Variants in TTLL10 observed in about 807,000 individuals in gnomAD.
TTLL10 encodes the protein inactive polyglycylase TTLL10.
Under a neutral mutation model 69.0 loss-of-function variants are expected in TTLL10, and 61 were observed. That is an observed-to-expected ratio of 0.88 (90% confidence interval 0.72 to 1.09). The LOEUF (loss-of-function observed/expected upper bound fraction) is 1.09. Among genes scored for constraint, TTLL10 ranks in the 50% least tolerant of loss-of-function variants. The pLI is 0.00. For missense variants in TTLL10, 962 were observed against 945.9 expected (o/e 1.02, Z -0.22); for synonymous variants, 408 against 393.3 (o/e 1.04, Z -0.44).
Position 1,190,426 on chromosome 1 carries a change from T to C in TTLL10, c.1401+5317T>C, listed in dbSNP as rs1287321614. On this transcript the variant is annotated intron_variant, in intron 13 of 15. Transcript: ENST00000379289. ...CCTTGGGTTTAGTTTGCTCTTCTTT[T>C]ACTAATTTTTTTTTTTTTTGAGATG... Among the ~76,000 whole-genome samples, 3 of 149,000 alleles carry C rather than the reference T, an allele frequency of 2.0e-5. No homozygotes were observed. The Admixed American group carries it at 2.1e-4, about 11-fold the overall frequency.
At position 1,182,400 on chromosome 1, in the gene TTLL10, C is replaced by T. The variant is rs1319053558; in HGVS notation, c.870C>T (p.Arg290=). Residue 290 remains arginine, a synonymous_variant, in exon 10 of 16, where the codon CGC becomes CGT. Coordinates refer to ENST00000379289, the MANE Select transcript of TTLL10 (RefSeq NM_001130045.2). ...AAGAGTTTTTCCCAGAGACCTACCG[C>T]CTGGACCTCAAACACGAGAGAGAGG... The part of the protein sequence containing the change: ...RMEEFFPETY[R]LDLKHEREAF... 6.2e-7 allele frequency: 1 copy of T among 1,613,984 alleles called. No individual in the cohort carries two copies. The highest frequency in any genetic ancestry group is 8.5e-7 in the Non-Finnish European group (1 of 1,179,960).
chr1:1,195,500 CT>C (rs1168016636), intron 13 of TTLL10, among the ~76,000 whole-genome samples: 339 of 98,766 alleles, frequency 3.4e-3, no homozygotes, highest in Middle Eastern at 6.1e-3. Context: ...CATCGTCATA[CT>C]TTTTTTTTTT....
chr1:1,197,382 C>A lies in TTLL10; in HGVS notation c.1613-56C>A, dbSNP rs1462912037. On this transcript the variant is annotated intron_variant, in intron 15 of 15. Transcript: ENST00000379289. ...GTCCCACCCCTCACACCCTCCCCAC[C>A]CCCTCCAGCCCCAGCCTCTGCCCCC... 11 of 804,472 alleles carry A rather than the reference C, an allele frequency of 1.4e-5. No individual in the cohort carries two copies. The African/African-American group carries it at 2.0e-4, about 14-fold the overall frequency. 49.8% of individuals were successfully genotyped at this position (804,472 alleles called of 1,614,324 possible). A position where few individuals can be genotyped will look rare whatever the true frequency, so the allele number is the denominator to read the frequency against.
At chr1:1,176,303 C>T (rs553813126) in intron 3 of TTLL10, 7 of 443,854 alleles carry the variant, frequency 1.6e-5, no homozygotes, top group African/African-American at 6.2e-5. Flanking sequence ...TGCTCCCAGC[C>T]GCTGTGCAGG....
rs778349735 is a variant in TTLL10 at position 1,180,280 on chromosome 1, C to T, written c.446C>T (p.Ser149Leu). 9.9e-5 allele frequency: 158 copies of T among 1,595,522 alleles called. No individual in the cohort carries two copies. The highest frequency in any genetic ancestry group is 1.3e-4 in the Non-Finnish European group (157 of 1,172,264). ...CTCCTGCTGGGGGGTGGGAAGCCAT[C>T]GCCCCACAGCACCCGGCCGGGGCCC... ...EGLLLGGGKPSPHSTRPGPFF... is the reference protein window; with the variant it reads ...EGLLLGGGKPLPHSTRPGPFF... Residue 149 changes from serine to leucine, a missense_variant, in exon 6 of 16, where the codon TCG becomes TTG. Ser to Leu is a moderately radical substitution (Grantham distance 145). Transcript: ENST00000379289.
At chr1:1,188,930 A>G (rs1041334079) in intron 13 of TTLL10, among the ~76,000 whole-genome samples, 1 of 152,188 alleles carries the variant, frequency 6.6e-6, no homozygotes. Flanking sequence ...GAATAGAATT[A>G]TTTTTTAAAT....
At chr1:1,187,653 A>G (rs1162721999) in intron 13 of TTLL10, among the ~76,000 whole-genome samples, 5 of 150,166 alleles carry the variant, frequency 3.3e-5, no homozygotes, top group African/African-American at 9.8e-5. Context: ...ATAAAAATCC[A>G]TTGCACTTTG....
At chr1:1,183,770 G>A in intron 11 of TTLL10, 150 bp from the exon 12 acceptor site, 3 of 1,012,492 alleles carry the variant, frequency 3.0e-6, no homozygotes, top group Non-Finnish European at 4.4e-6. Context: ...GACATATTCA[G>A]GCCCAGAAAT....
intron 13 of TTLL10, among the ~76,000 whole-genome samples, chr1:1,191,172 T>A (rs1464354662): frequency 6.6e-6 from 1 of 152,250 alleles, no homozygotes; most frequent in Non-Finnish European, 1.5e-5. Flanking sequence ...ATTGGTTGCT[T>A]AAGGGCCTGT....
At chr1:1,178,258 C>G (rs138376572) in intron 3 of TTLL10, among the ~76,000 whole-genome samples, 2 of 152,228 alleles carry the variant, frequency 1.3e-5, no homozygotes, top group African/African-American at 4.8e-5. Context: ...TTCCTTCAAA[C>G]CCTTGAAAGC....
In TTLL10 at chr1:1,180,874, T is replaced by C. The variant is rs781486300; in HGVS notation, c.755+14T>C. The C allele has an allele frequency of 1.4e-5, 22 of 1,541,950 alleles. No homozygotes were observed. In the South Asian group the frequency reaches 2.5e-4, roughly 18 times the overall value. ...GGTCCAGGCCAGGTGAGTCTGCCCC[T>C]GCCCCTGCCCCCGTCCCTGCGCCCG... On this transcript the variant is annotated intron_variant, in intron 8 of 15. Transcript: ENST00000379289.
intron 13 of TTLL10, among the ~76,000 whole-genome samples, chr1:1,191,314 T>C (rs1420667825): frequency 6.6e-6 from 1 of 152,188 alleles, no homozygotes; most frequent in African/African-American, 2.4e-5. Context: ...TTATTGGAGC[T>C]GGTGTGTTGG....
intron 13 of TTLL10, among the ~76,000 whole-genome samples, chr1:1,190,584 C>T (rs1374122163): frequency 6.6e-6 from 1 of 151,746 alleles, no homozygotes; most frequent in Non-Finnish European, 1.5e-5. Flanking sequence ...CGTGCCACCA[C>T]TCCCAGCTAA....
Position 1,183,002 on chromosome 1 carries a change from A to T in TTLL10, c.1043A>T (p.His348Leu). 1 of 1,609,928 alleles carries T rather than the reference A, an allele frequency of 6.2e-7. No individual in the cohort carries two copies. Reference protein sequence around the residue: ...KTRSMEDDPIHHKTPFRGPQA... With the variant: ...KTRSMEDDPILHKTPFRGPQA... ...CGGAGCATGGAGGACGACCCCATCC[A>T]CCACAAGACGCCGTTCCGGGGGCCT... is the stretch of plus-strand genomic sequence containing the variant. The change falls in exon 11 of 16, where the codon CAC becomes CTC. Residue 348 changes from histidine (H) to leucine (L), a missense_variant. Physicochemically the swap from His to Leu is moderately conservative, Grantham distance 99. Transcript: ENST00000379289.
chr1:1,180,047 G>A lies in TTLL10; in HGVS notation c.213G>A (p.Glu71=). The change falls in exon 6 of 16, where the codon GAG becomes GAA. Residue 71 remains glutamate (E), a synonymous_variant. Transcript: ENST00000379289. ...CCCCGTTCACAGGCCCGGCCCACGA[G>A]AGGCCAATGGGGAGCAGCCAGGAGG... ...PGHCPVGPAH[E]RPMGSSQEEG... 6.4e-7 allele frequency: 1 copy of A among 1,561,870 alleles called. No individual in the cohort carries two copies.
At chr1:1,187,191 T>C (rs920424576) in intron 13 of TTLL10, among the ~76,000 whole-genome samples, 1 of 152,168 alleles carries the variant, frequency 6.6e-6, no homozygotes, top group Non-Finnish European at 1.5e-5. Flanking sequence ...ATCAGACATA[T>C]GATTTGCCAA....
chr1:1,175,584 G>C, intron 3 of TTLL10: 1 of 412,248 alleles, frequency 2.4e-6, no homozygotes, highest in South Asian at 1.8e-5. Flanking sequence ...CGCCTATCCT[G>C]AGCTGTCCCT....
intron 15 of TTLL10, 123 bp from the exon 16 acceptor site, chr1:1,197,315 C>A: frequency 1.5e-6 from 2 of 1,300,638 alleles, no homozygotes; most frequent in Non-Finnish European, 2.1e-6. Context: ...TGTGGCAGCG[C>A]CGCCCCCTGC....
chr1:1,197,834 A>G lies in TTLL10; in HGVS notation c.2009A>G (p.Asn670Ser). 1 of 1,495,896 alleles carries G rather than the reference A, an allele frequency of 6.7e-7. No individual in the cohort carries two copies. Among genetic ancestry groups the G allele is most frequent in the Non-Finnish European group, 8.9e-7 (1 of 1,121,272 alleles). 92.7% of individuals were successfully genotyped at this position (1,495,896 alleles called of 1,614,324 possible). A position where few individuals can be genotyped will look rare whatever the true frequency, so the allele number is the denominator to read the frequency against. The change falls in exon 16 of 16, where the codon AAC becomes AGC. Residue 670 changes from asparagine (N) to serine (S), a missense_variant. Transcript: ENST00000379289. Reference sequence around the variant, plus strand: ...AAGGAGGAACGCGAGGAGCCTGAGAACGCGAGGCCCTAGGGGCAGCCACCC... The same window carrying G: ...AAGGAGGAACGCGAGGAGCCTGAGAGCGCGAGGCCCTAGGGGCAGCCACCC... ...TAKEEREEPE[N>S]ARP
Sources: gnomAD v4.1 joint callset for allele counts (sites outside exome capture counted in the v4.1 genomes callset) on GRCh38, gnomAD v4.1.1 for gene constraint, MANE v1.5 for transcripts, NCBI Gene and HGNC (gene_info 2026-07-23, HGNC 2026-07-21) for gene names.